CARMIL1: variants seen among roughly 807,000 people sequenced by gnomAD.
The protein encoded by CARMIL1 is capping protein regulator and myosin 1 linker 1.
CARMIL1 carries 90 observed loss-of-function variants against 177.1 expected under a neutral mutation model. The observed-to-expected ratio is 0.51, with a 90% CI of 0.43 to 0.61. The LOEUF (loss-of-function observed/expected upper bound fraction) is 0.61, where lower values mean the gene tolerates loss of function less well. Among genes scored for constraint, CARMIL1 ranks in the 20% least tolerant of loss-of-function variants. CARMIL1 has a pLI of 0.00. For synonymous variants in CARMIL1, 577 were observed against 606.2 expected, an observed-to-expected ratio of 0.95 and a Z score of 0.71; for missense variants, 1,380 against 1,667.0, an observed-to-expected ratio of 0.83 and a Z score of 3.00.
chr6:25,487,583 C>T (rs1202885330), intron 12 of CARMIL1, among the ~76,000 whole-genome samples: 1 of 152,212 alleles, frequency 6.6e-6, no homozygotes, highest in Non-Finnish European at 1.5e-5. Flanking sequence ...TGCTATCTCG[C>T]ACATTCCCAT....
At chr6:25,293,649 G>A (rs550946149) in intron 2 of CARMIL1, among the ~76,000 whole-genome samples, 3 of 151,992 alleles carry the variant, frequency 2.0e-5, no homozygotes, top group African/African-American at 4.8e-5. Flanking sequence ...CAAGTAGTGG[G>A]GTTACATATG....
chr6:25,583,969 A>G lies in CARMIL1; in HGVS notation c.3006+2530A>G, dbSNP rs1813379388. 2.6e-5 allele frequency among the ~76,000 whole-genome samples: 4 copies of G among 151,744 alleles called. No individual in the cohort carries two copies. The South Asian group carries it at 8.3e-4, about 32-fold the overall frequency. Reference sequence around the variant, plus strand: ...ATGGCTTAAGTTTATCCTTGATAAAACTGGTGACTCATGGAAAGAGATAAT... The same window carrying G: ...ATGGCTTAAGTTTATCCTTGATAAAGCTGGTGACTCATGGAAAGAGATAAT... On this transcript the variant is annotated intron_variant, in intron 31 of 36. Transcript: ENST00000329474.
intron 26 of CARMIL1, among the ~76,000 whole-genome samples, chr6:25,548,090 T>TA (rs569449218): frequency 1.3e-3 from 193 of 152,224 alleles, no homozygotes; most frequent in African/African-American, 4.3e-3. Flanking sequence ...GGATTATGAA[T>TA]AGTTATAAAG....
At chr6:25,346,611 T>G (rs1388106233) in intron 2 of CARMIL1, among the ~76,000 whole-genome samples, 1 of 152,158 alleles carries the variant, frequency 6.6e-6, no homozygotes, top group Non-Finnish European at 1.5e-5. Context: ...CCTACTGGAG[T>G]GTAAGTTCCA....
chr6:25,451,985 T>TTCCCCCCCCCCCC, intron 8 of CARMIL1: 3 of 105,382 alleles, frequency 2.8e-5, no homozygotes, highest in South Asian at 1.7e-4. Context: ...ACTAGCATCT[T>TTCCCCCCCCCCCC]GCCCCCCCCT....
chr6:25,571,413 A>G (rs1812053012), intron 29 of CARMIL1, among the ~76,000 whole-genome samples: 1 of 152,180 alleles, frequency 6.6e-6, no homozygotes, highest in Non-Finnish European at 1.5e-5. Flanking sequence ...TTTCAGAGGA[A>G]TGGCACCTAA....
rs557122703 is a variant in CARMIL1, at chr6:25,538,204, A to G, written c.2196+221A>G. On this transcript the variant is annotated intron_variant, in intron 25 of 36. Coordinates refer to ENST00000329474, the MANE Select transcript of CARMIL1 (RefSeq NM_017640.6). ...AGCAGAGGGCCAGTGTGATTCACAGAGGGTGTGATTGGGCCCTCAACAACT... is the reference window on the plus strand; with the variant it reads ...AGCAGAGGGCCAGTGTGATTCACAGGGGGTGTGATTGGGCCCTCAACAACT... Among the ~76,000 whole-genome samples, 6 of 152,308 alleles carry G rather than the reference A, an allele frequency of 3.9e-5. No individual in the cohort carries two copies. In the South Asian group the frequency reaches 1.2e-3, roughly 32 times the overall value.
chr6:25,617,427 G>T (rs556698267), intron 36 of CARMIL1, among the ~76,000 whole-genome samples: 1 of 152,270 alleles, frequency 6.6e-6, no homozygotes, highest in East Asian at 1.9e-4. Context: ...AGAATGAAAA[G>T]CTTGATTATC....
At chr6:25,435,365 A>G in intron 4 of CARMIL1, 118 bp from the exon 5 acceptor site, 2 of 1,203,438 alleles carry the variant, frequency 1.7e-6, no homozygotes, top group African/African-American at 1.6e-5. Flanking sequence ...TAAAGAAAAA[A>G]AAAGCTAATA....
At chr6:25,348,933 G>A (rs983577128) in intron 2 of CARMIL1, among the ~76,000 whole-genome samples, 3 of 152,134 alleles carry the variant, frequency 2.0e-5, no homozygotes, top group African/African-American at 7.2e-5. Context: ...CTACCATCAC[G>A]CGTTTTAAAA....
intron 2 of CARMIL1, among the ~76,000 whole-genome samples, chr6:25,319,240 A>C (rs1328832588): frequency 6.6e-6 from 1 of 152,196 alleles, no homozygotes; most frequent in African/African-American, 2.4e-5. Context: ...TGCAGGCCGT[A>C]CTGGGCATCA....
intron 16 of CARMIL1, among the ~76,000 whole-genome samples, chr6:25,499,578 C>T (rs1804103477): frequency 6.6e-6 from 1 of 152,162 alleles, no homozygotes; most frequent in African/African-American, 2.4e-5. Context: ...TTTGTCTCAG[C>T]TCAGCAGGTA....
intron 12 of CARMIL1, among the ~76,000 whole-genome samples, chr6:25,488,275 C>T (rs530782824): frequency 2.0e-5 from 3 of 152,192 alleles, no homozygotes; most frequent in South Asian, 4.1e-4. Context: ...CCTTCTGATT[C>T]AGTGAGGGGG....
intron 26 of CARMIL1, among the ~76,000 whole-genome samples, chr6:25,543,638 TA>T (rs1809127954): frequency 6.6e-6 from 1 of 152,148 alleles, no homozygotes. Context: ...GCTTAAATGG[TA>T]AAATACTTGA....
At chr6:25,355,354 C>T (rs550782485) in intron 2 of CARMIL1, among the ~76,000 whole-genome samples, 8 of 152,206 alleles carry the variant, frequency 5.3e-5, no homozygotes, top group Non-Finnish European at 1.0e-4. Flanking sequence ...GCCTCAAAAC[C>T]CCTCAGAGTA....
chr6:25,517,562 G>A, intron 22 of CARMIL1, 147 bp downstream of exon 22: 1 of 610,000 alleles, frequency 1.6e-6, no homozygotes, highest in Non-Finnish European at 2.9e-6. Flanking sequence ...CCAGCTATGG[G>A]ATCTTGGAAG....
chr6:25,416,287 T>A (rs1391131652), intron 2 of CARMIL1, among the ~76,000 whole-genome samples: 1 of 152,104 alleles, frequency 6.6e-6, no homozygotes, highest in East Asian at 1.9e-4. Flanking sequence ...GAGGAATCTG[T>A]TTTTTGGAAA....
At chr6:25,412,830 G>A (rs1366099482) in intron 2 of CARMIL1, among the ~76,000 whole-genome samples, 1 of 152,190 alleles carries the variant, frequency 6.6e-6, no homozygotes, top group Non-Finnish European at 1.5e-5. Context: ...AGGCTGTATA[G>A]CCTCACTGGG....
chr6:25,535,114 A>G (rs945689260), intron 24 of CARMIL1, among the ~76,000 whole-genome samples: 14 of 152,182 alleles, frequency 9.2e-5, no homozygotes, highest in Admixed American at 7.2e-4. Flanking sequence ...TAATGAAGGT[A>G]TACTTTCTAC....
Sources: gnomAD v4.1 joint callset for allele counts (sites outside exome capture counted in the v4.1 genomes callset) on GRCh38, gnomAD v4.1.1 for gene constraint, MANE v1.5 for transcripts, NCBI Gene and HGNC (gene_info 2026-07-23, HGNC 2026-07-21) for gene names.